Variants in DOCK7 observed in about 807,000 individuals in gnomAD.
DOCK7 encodes dedicator of cytokinesis protein 7.
In DOCK7, 138 loss-of-function variants were observed where a neutral mutation model predicts 271.0. The ratio of observed to expected loss-of-function variants is 0.51; its 90% CI spans 0.44 to 0.59. The LOEUF is 0.59. Among genes scored for constraint, DOCK7 ranks in the 20% least tolerant of loss-of-function variants. The pLI, the probability that DOCK7 is intolerant of heterozygous loss-of-function variation, is 0.00. For synonymous variants in DOCK7, 823 were observed against 876.1 expected (o/e 0.94, Z 1.07); for missense variants, 2,066 against 2,592.4 (o/e 0.80, Z 4.41).
chr1:62,577,470 C>T, intron 17 of DOCK7, 107 bp from the exon 18 acceptor site: 1 of 582,764 alleles, frequency 1.7e-6, no homozygotes, highest in Non-Finnish European at 2.8e-6. Flanking sequence ...CCCATATCAT[C>T]AAACATTAAG....
intron 39 of DOCK7, chr1:62,495,320 G>C (rs55672040): frequency 8.9e-6 from 2 of 225,512 alleles, no homozygotes; most frequent in Non-Finnish European, 1.7e-5. Flanking sequence ...GGCCAGGTGC[G>C]GTGGCTCACG....
rs74860877 is a variant in DOCK7 at position 62,666,947 on chromosome 1, T to A, written c.39-3817A>T. Among the ~76,000 whole-genome samples the A allele has an allele frequency of 7.6e-3, 1,162 of 152,340 alleles. 23 individuals carry two copies. The highest frequency in any genetic ancestry group is 0.026 in the African/African-American group (1,071 of 41,580). ...TCTCCATTCCTACAAGCTACGTATG[T>A]CAACACACATTACAGTTTTCACAAA... On this transcript the variant is annotated intron_variant, in intron 1 of 49. Transcript: ENST00000635253.
intron 19 of DOCK7, among the ~76,000 whole-genome samples, chr1:62,560,103 G>A (rs1242510423): frequency 6.6e-6 from 1 of 152,054 alleles, no homozygotes; most frequent in Non-Finnish European, 1.5e-5. Flanking sequence ...TTCACCCCAT[G>A]AGCCTTTTCC....
intron 22 of DOCK7, among the ~76,000 whole-genome samples, chr1:62,545,670 T>C (rs776896222): frequency 3.3e-5 from 5 of 152,132 alleles, no homozygotes; most frequent in Non-Finnish European, 5.9e-5. Flanking sequence ...ATAAATATTA[T>C]AAGGAAAAAC....
chr1:62,598,572 A>C, intron 14 of DOCK7: 1 of 664,350 alleles, frequency 1.5e-6, no homozygotes, highest in East Asian at 2.8e-5. Context: ...AGGGGAAGGA[A>C]TTGCCAATAT....
chr1:62,501,049 G>T (rs977702254), intron 37 of DOCK7, among the ~76,000 whole-genome samples: 1 of 151,952 alleles, frequency 6.6e-6, no homozygotes, highest in African/African-American at 2.4e-5. Context: ...TTTTTAAAAG[G>T]GGGGGTGAGT....
In DOCK7 at chr1:62,601,830, C is replaced by A. The variant is rs752131105; in HGVS notation, c.1683-15206G>T. 7 of 1,610,232 alleles carry A rather than the reference C, an allele frequency of 4.3e-6. No individual in the cohort carries two copies. The South Asian group carries it at 6.6e-5, about 15-fold the overall frequency. ...GTGAACATACAAGTGGCATGTATGC[C>A]ATCAGACCCAGCAACTCTCAAGTTT... On this transcript the variant is annotated intron_variant, in intron 14 of 49. Coordinates refer to ENST00000635253, the MANE Select transcript of DOCK7 (RefSeq NM_001367561.1).
intron 29 of DOCK7, among the ~76,000 whole-genome samples, chr1:62,532,095 C>T (rs138130814): frequency 1.7e-4 from 26 of 152,244 alleles, no homozygotes; most frequent in Admixed American, 3.3e-4. Context: ...TAGGCTGTGG[C>T]GTGATGTTGG....
chr1:62,496,243 T>C (rs1646618223), intron 38 of DOCK7, 96 bp downstream of exon 38: 3 of 1,356,140 alleles, frequency 2.2e-6, no homozygotes, highest in Middle Eastern at 2.5e-4. Context: ...AAATAAATGA[T>C]CCTCCAGCAA....
intron 1 of DOCK7, among the ~76,000 whole-genome samples, chr1:62,665,886 G>A (rs1571951643): frequency 1.3e-5 from 2 of 151,964 alleles, no homozygotes; most frequent in South Asian, 2.1e-4. Flanking sequence ...ATCACTGGCC[G>A]GGAACGGTGG....
intron 14 of DOCK7, chr1:62,603,866 C>A: frequency 9.0e-7 from 1 of 1,115,006 alleles, no homozygotes; most frequent in Non-Finnish European, 1.3e-6. Flanking sequence ...GGATTCAAGA[C>A]TAAACAACTC....
intron 43 of DOCK7, chr1:62,487,135 T>G (rs1329431829): frequency 3.2e-6 from 1 of 312,470 alleles, no homozygotes; most frequent in African/African-American, 2.1e-5. Flanking sequence ...GGGTAAAAAC[T>G]AAAGTGATGA....
At chr1:62,468,245 C>T (rs1306023983) in intron 48 of DOCK7, among the ~76,000 whole-genome samples, 1 of 151,446 alleles carries the variant, frequency 6.6e-6, no homozygotes, top group East Asian at 1.9e-4. Flanking sequence ...CCTGTAATCC[C>T]AGCAACTCAG....
At chr1:62,650,330 T>A (rs1657176053) in intron 4 of DOCK7, among the ~76,000 whole-genome samples, 1 of 151,426 alleles carries the variant, frequency 6.6e-6, no homozygotes, top group African/African-American at 2.4e-5. Flanking sequence ...CTGGTACATA[T>A]AAGACTCTCA....
chr1:62,508,853 CAT>C (rs1036105759), intron 34 of DOCK7, among the ~76,000 whole-genome samples: 113 of 152,122 alleles, frequency 7.4e-4, no homozygotes, highest in African/African-American at 2.6e-3. Flanking sequence ...AATAATTACA[CAT>C]GATTTATGAA....
chr1:62,591,994 T>A (rs184067312), intron 14 of DOCK7, among the ~76,000 whole-genome samples: 1 of 152,288 alleles, frequency 6.6e-6, no homozygotes, highest in East Asian at 1.9e-4. Context: ...TTAGAAAATT[T>A]AGTTACTTAA....
intron 48 of DOCK7, chr1:62,461,072 C>T (rs967838226): frequency 6.6e-6 from 1 of 152,002 alleles, no homozygotes; most frequent in African/African-American, 2.4e-5. Context: ...CTTTTAAAAC[C>T]TGTCATATTA....
At chr1:62,485,645 A>T (rs1385988684) in intron 43 of DOCK7, 80 of 985,270 alleles carry the variant, frequency 8.1e-5, no homozygotes, top group Non-Finnish European at 8.3e-5. Flanking sequence ...AAATATACAC[A>T]AGATAGAACT....
intron 7 of DOCK7, among the ~76,000 whole-genome samples, chr1:62,639,297 G>A (rs1407799140): frequency 6.6e-6 from 1 of 152,066 alleles, no homozygotes. Context: ...AGAGGCCAAG[G>A]TGGGAGGATC....
Sources: allele counts gnomAD v4.1 joint callset (sites outside exome capture counted in the v4.1 genomes callset), GRCh38; gene constraint gnomAD v4.1.1; transcripts MANE v1.5; gene names NCBI Gene and HGNC (gene_info 2026-07-23, HGNC 2026-07-21).